Variants in DCC observed in about 807,000 individuals in gnomAD.
The protein encoded by DCC is DCC netrin 1 receptor, also known as netrin receptor DCC.
DCC carries 58 observed loss-of-function variants against 172.5 expected under a neutral mutation model. That is an observed-to-expected ratio of 0.34 (90% CI 0.27 to 0.42). The LOEUF (loss-of-function observed/expected upper bound fraction) is 0.42, where lower values mean the gene tolerates loss of function less well. Ranked by LOEUF, DCC falls within the 10% of genes least tolerant of loss-of-function variation. The pLI is 1.00. For synonymous variants in DCC, 709 were observed against 644.5 expected, an observed-to-expected ratio of 1.10 and a Z score of -1.52; for missense variants, 1,740 against 1,791.0, an observed-to-expected ratio of 0.97 and a Z score of 0.51.
chr18:52,615,712 GA>G (rs940789989), intron 1 of DCC, among the ~76,000 whole-genome samples: 1 of 152,192 alleles, frequency 6.6e-6, no homozygotes, highest in African/African-American at 2.4e-5. Flanking sequence ...CCAAAATTGA[GA>G]ACAATTAAAG....
chr18:53,249,432 T>C (rs1391882351), intron 12 of DCC, among the ~76,000 whole-genome samples: 4 of 151,926 alleles, frequency 2.6e-5, no homozygotes, highest in Non-Finnish European at 5.9e-5. Flanking sequence ...TAGGGTTTTA[T>C]GACAGATCAA....
chr18:52,998,629 G>A (rs564943440), intron 5 of DCC, among the ~76,000 whole-genome samples: 4 of 151,990 alleles, frequency 2.6e-5, no homozygotes, highest in African/African-American at 4.8e-5. Context: ...AGTCATTCTC[G>A]TGACCAATGT....
chr18:53,354,395 C>A (rs2057852362), intron 15 of DCC, among the ~76,000 whole-genome samples: 1 of 152,114 alleles, frequency 6.6e-6, no homozygotes, highest in South Asian at 2.1e-4. Flanking sequence ...TAAAAGTGTT[C>A]CTATTTCTCC....
rs183451306 is a variant in DCC at position 52,472,687 on chromosome 18, G to A, written c.91+131809G>A. Among the ~76,000 whole-genome samples, 138 of 152,238 alleles carry A rather than the reference G, an allele frequency of 9.1e-4. 2 individuals are homozygous for A. Among genetic ancestry groups the A allele is most frequent in the African/African-American group, 3.2e-3 (133 of 41,552 alleles). ...AGAGGCTGAAGTGGGATAATCACTT[G>A]AGACCAGGAGTTCAAAACCAGCTTG... On this transcript the variant is annotated intron_variant, in intron 1 of 28. Coordinates refer to ENST00000442544, the MANE Select transcript of DCC (RefSeq NM_005215.4).
At chr18:53,473,341 T>C (rs1372714949) in intron 25 of DCC, among the ~76,000 whole-genome samples, 1 of 152,198 alleles carries the variant, frequency 6.6e-6, no homozygotes, top group Non-Finnish European at 1.5e-5. Flanking sequence ...ACAAAATTGG[T>C]GCTTGCTAAA....
chr18:52,948,126 G>C (rs1221560562), intron 5 of DCC, among the ~76,000 whole-genome samples: 1 of 152,150 alleles, frequency 6.6e-6, no homozygotes, highest in Non-Finnish European at 1.5e-5. Flanking sequence ...CTAAAAGAAT[G>C]TTGTTACTGA....
intron 5 of DCC, among the ~76,000 whole-genome samples, chr18:52,972,436 G>C (rs1365076600): frequency 6.6e-6 from 1 of 151,608 alleles, no homozygotes; most frequent in Non-Finnish European, 1.5e-5. Context: ...CTCCAAATCA[G>C]GAATTAGATG....
At chr18:52,495,893 A>G (rs1304748073) in intron 1 of DCC, among the ~76,000 whole-genome samples, 3 of 152,016 alleles carry the variant, frequency 2.0e-5, no homozygotes, top group Non-Finnish European at 4.4e-5. Context: ...AATCTTGGCC[A>G]AAGAATTAGA....
chr18:52,895,973 C>T (rs576942801), intron 2 of DCC, among the ~76,000 whole-genome samples: 3 of 152,130 alleles, frequency 2.0e-5, no homozygotes, highest in South Asian at 2.1e-4. Flanking sequence ...TTAGTTGAGT[C>T]GAGGTTTCAC....
At chr18:53,081,979 C>T (rs1429329191) in intron 7 of DCC, among the ~76,000 whole-genome samples, 4 of 152,006 alleles carry the variant, frequency 2.6e-5, no homozygotes, top group East Asian at 1.9e-4. Context: ...TCTAAGGCAC[C>T]GTAGATGGGG....
intron 1 of DCC, among the ~76,000 whole-genome samples, chr18:52,585,862 T>A (rs2033657971): frequency 6.6e-6 from 1 of 152,096 alleles, no homozygotes; most frequent in South Asian, 2.1e-4. Context: ...GGTGAGTGGA[T>A]CACGAGGTTA....
intron 2 of DCC, among the ~76,000 whole-genome samples, chr18:52,883,352 G>A (rs1594517): frequency 1.1e-4 from 11 of 96,856 alleles, no homozygotes; most frequent in East Asian, 3.7e-4. Context: ...ATTTATTTAT[G>A]TGTGTGTGTG....
At chr18:52,590,699 T>TA (rs1227547127) in intron 1 of DCC, among the ~76,000 whole-genome samples, 2 of 152,226 alleles carry the variant, frequency 1.3e-5, no homozygotes, top group Non-Finnish European at 2.9e-5. Context: ...CATGTGGTCA[T>TA]ACCAGTGGCC....
intron 1 of DCC, among the ~76,000 whole-genome samples, chr18:52,683,284 C>A (rs900206953): frequency 6.6e-6 from 1 of 151,954 alleles, no homozygotes; most frequent in Non-Finnish European, 1.5e-5. Context: ...GTAGGAAAGA[C>A]TTGAAATATG....
chr18:53,069,531 G>A (rs1274275491), intron 7 of DCC, among the ~76,000 whole-genome samples: 1 of 151,866 alleles, frequency 6.6e-6, no homozygotes, highest in African/African-American at 2.4e-5. Context: ...GTCAGCCAGA[G>A]AGTGCTTTGC....
chr18:52,703,426 A>T (rs1224306902), intron 1 of DCC, among the ~76,000 whole-genome samples: 3 of 152,152 alleles, frequency 2.0e-5, no homozygotes, highest in African/African-American at 7.2e-5. Context: ...CTCAGACCTC[A>T]TCTTATGGGC....
At chr18:52,995,098 T>G (rs1341993623) in intron 5 of DCC, among the ~76,000 whole-genome samples, 1 of 152,096 alleles carries the variant, frequency 6.6e-6, no homozygotes, top group African/African-American at 2.4e-5. Flanking sequence ...CCCAGCAAAC[T>G]GGTGTTAAAG....
chr18:52,654,762 C>A (rs1006689623), intron 1 of DCC, among the ~76,000 whole-genome samples: 7 of 152,024 alleles, frequency 4.6e-5, no homozygotes, highest in African/African-American at 9.7e-5. Context: ...CTTTAACATA[C>A]CCCCTCTTCC....
At chr18:52,681,540 G>A (rs954743254) in intron 1 of DCC, among the ~76,000 whole-genome samples, 6 of 151,950 alleles carry the variant, frequency 3.9e-5, no homozygotes, top group Non-Finnish European at 2.9e-5. Context: ...GGTTGGTTTG[G>A]GGAGAAATTA....
Sources: allele counts gnomAD v4.1 joint callset (sites outside exome capture counted in the v4.1 genomes callset), GRCh38; gene constraint gnomAD v4.1.1; transcripts MANE v1.5; gene names NCBI Gene and HGNC (gene_info 2026-07-23, HGNC 2026-07-21).